The following WDR27 variants were observed in gnomAD, a reference collection of about 807,000 sequenced individuals.
WDR27 encodes WD repeat domain 27, also known as WD repeat-containing protein 27.
In WDR27, 100 loss-of-function variants were observed where a neutral mutation model predicts 114.4. That is an observed-to-expected ratio of 0.87 (90% confidence interval 0.74 to 1.03). The LOEUF is 1.03. WDR27 is among the 50% of genes least tolerant of loss of function. WDR27 has a pLI of 0.00. For synonymous variants in WDR27, 449 were observed against 423.1 expected (o/e 1.06, Z -0.75); for missense variants, 1,129 against 1,092.9 (o/e 1.03, Z -0.47).
At chr6:169,480,944 G>A (rs548967474) in intron 25 of WDR27, among the ~76,000 whole-genome samples, 2 of 151,792 alleles carry the variant, frequency 1.3e-5, no homozygotes, top group Admixed American at 1.3e-4. Flanking sequence ...TCTAGCTAGA[G>A]GATTGTAAAT....
intron 8 of WDR27, among the ~76,000 whole-genome samples, chr6:169,662,638 C>CA: frequency 6.8e-6 from 1 of 146,906 alleles, no homozygotes; most frequent in East Asian, 2.0e-4. Context: ...ACTAAGGTAA[C>CA]ACCCAGCATG....
intron 21 of WDR27, among the ~76,000 whole-genome samples, chr6:169,622,770 G>T (rs1185621222): frequency 2.0e-5 from 3 of 152,206 alleles, no homozygotes; most frequent in African/African-American, 7.2e-5. Context: ...AACAGCCATT[G>T]CAAAATTACA....
intron 25 of WDR27, among the ~76,000 whole-genome samples, chr6:169,506,585 T>C (rs1405798974): frequency 6.6e-6 from 1 of 152,210 alleles, no homozygotes; most frequent in Non-Finnish European, 1.5e-5. Context: ...AAGAAAGCCA[T>C]AGACGGCAAC....
intron 1 of WDR27, among the ~76,000 whole-genome samples, chr6:169,691,757 C>T (rs1226171150): frequency 6.6e-6 from 1 of 152,174 alleles, no homozygotes; most frequent in East Asian, 1.9e-4. Context: ...TTACAAACCA[C>T]TTCTGTAGAC....
chr6:169,509,340 G>C (rs1322555142), intron 25 of WDR27, among the ~76,000 whole-genome samples: 1 of 152,142 alleles, frequency 6.6e-6, no homozygotes, highest in Non-Finnish European at 1.5e-5. Flanking sequence ...TAAGCCAAAA[G>C]AACAAAGCTG....
At chr6:169,481,699 A>G in intron 25 of WDR27, among the ~76,000 whole-genome samples, 1 of 152,130 alleles carries the variant, frequency 6.6e-6, no homozygotes, top group East Asian at 1.9e-4. Context: ...CAGTGAAACC[A>G]CGAACCCACT....
At chr6:169,675,656 T>C (rs929879641) in intron 2 of WDR27, among the ~76,000 whole-genome samples, 3 of 152,178 alleles carry the variant, frequency 2.0e-5, no homozygotes, top group African/African-American at 7.2e-5. Flanking sequence ...TTCCAGGCTA[T>C]AGGTAAATTT....
chr6:169,542,621 G>T (rs1356839822), intron 25 of WDR27, among the ~76,000 whole-genome samples: 3 of 152,076 alleles, frequency 2.0e-5, no homozygotes, highest in African/African-American at 7.2e-5. Flanking sequence ...TAGATAAATA[G>T]ATAATAGTCT....
intron 2 of WDR27, among the ~76,000 whole-genome samples, chr6:169,680,336 A>G (rs1044488430): frequency 6.6e-6 from 1 of 152,206 alleles, no homozygotes; most frequent in East Asian, 1.9e-4. Flanking sequence ...TAATCCAAGT[A>G]CTTTGGGAGG....
chr6:169,467,517 C>T (rs1275144862), intron 25 of WDR27, among the ~76,000 whole-genome samples: 3 of 152,256 alleles, frequency 2.0e-5, no homozygotes, highest in Non-Finnish European at 4.4e-5. Flanking sequence ...GCAGGCCCAA[C>T]ACCATGTGTA....
chr6:169,583,663 T>A (rs1804004637), intron 23 of WDR27, among the ~76,000 whole-genome samples: 1 of 151,720 alleles, frequency 6.6e-6, no homozygotes, highest in African/African-American at 2.4e-5. Flanking sequence ...ACAAAGTGTA[T>A]CAACAAATAT....
intron 4 of WDR27, chr6:169,668,619 C>T: frequency 6.0e-6 from 1 of 167,946 alleles, no homozygotes. Flanking sequence ...CACAGGGCTT[C>T]CCGTTTATAT....
intron 25 of WDR27, among the ~76,000 whole-genome samples, chr6:169,507,996 T>C (rs2115515711): frequency 6.6e-6 from 1 of 152,332 alleles, no homozygotes; most frequent in South Asian, 2.1e-4. Context: ...ATACCCATCA[T>C]GTCAAAACAC....
chr6:169,561,983 A>C (rs1428047211), intron 25 of WDR27, among the ~76,000 whole-genome samples: 2 of 152,246 alleles, frequency 1.3e-5, no homozygotes, highest in Non-Finnish European at 2.9e-5. Context: ...CCATGTCATC[A>C]CAATGAAGGT....
In WDR27 at chr6:169,516,820, C is replaced by CACACAG. The variant is rs1554278325; in HGVS notation, c.2645+55598_2645+55599insCTGTGT. Among the ~76,000 whole-genome samples, 59 of 151,414 alleles carry CACACAG rather than the reference C, an allele frequency of 3.9e-4. 1 individual carries two copies. The highest frequency in any genetic ancestry group is 1.4e-3 in the African/African-American group (57 of 41,346). The stretch of plus-strand genomic sequence containing the variant: ...ACACACACACACACACACACACACA[C>CACACAG]ACACACACACACACACCCCTCCCTT... On this transcript the variant is annotated intron_variant, in intron 25 of 25. Transcript: ENST00000448612.
At position 169,531,655 on chromosome 6, in the gene WDR27, G is replaced by T. The variant is rs867975245; in HGVS notation, c.2645+40764C>A. Among the ~76,000 whole-genome samples the T allele has an allele frequency of 9.0e-3, 1,201 of 133,022 alleles. 18 individuals are homozygous for T. Among genetic ancestry groups the T allele is most frequent in the African/African-American group, 0.032 (1,132 of 35,620 alleles). The allele number at this position is 133,022 out of a possible 152,430, so 87.3% of individuals were successfully genotyped here. A position where few individuals can be genotyped will look rare whatever the true frequency, so the allele number is the denominator to read the frequency against. ...AGAATTCTGCAACATTAAACAGTTT[G>T]TTTTTTTTTTTTTTTTGAAATGGAG... On this transcript the variant is annotated intron_variant, in intron 25 of 25. Coordinates refer to ENST00000448612, the MANE Select transcript of WDR27 (RefSeq NM_182552.5).
intron 4 of WDR27, chr6:169,668,736 C>G (rs1025648443): frequency 6.5e-6 from 1 of 152,876 alleles, no homozygotes; most frequent in Non-Finnish European, 1.5e-5. Context: ...ACTCCAGGCA[C>G]GAAGTGCTGG....
At chr6:169,646,201 C>T (rs557250591) in intron 16 of WDR27, among the ~76,000 whole-genome samples, 8 of 152,322 alleles carry the variant, frequency 5.3e-5, no homozygotes, top group African/African-American at 1.7e-4. Context: ...CCTTGTAAGG[C>T]GCTGCCTTTG....
intron 25 of WDR27, among the ~76,000 whole-genome samples, chr6:169,531,068 A>G (rs1795534993): frequency 2.0e-5 from 3 of 152,314 alleles, no homozygotes; most frequent in South Asian, 2.1e-4. Flanking sequence ...GGTCCATGAA[A>G]ACAGAATCTT....
Sources: gnomAD v4.1 joint callset for allele counts (sites outside exome capture counted in the v4.1 genomes callset) on GRCh38, gnomAD v4.1.1 for gene constraint, MANE v1.5 for transcripts, NCBI Gene and HGNC (gene_info 2026-07-23, HGNC 2026-07-21) for gene names.